Variants in SYT14 observed in about 807,000 individuals in gnomAD.
The protein encoded by SYT14 is synaptotagmin 14.
A neutral mutation model predicts 74.2 loss-of-function variants in SYT14; 32 were observed. The ratio of observed to expected loss-of-function variants is 0.43; its 90% confidence interval spans 0.33 to 0.58. The LOEUF is 0.58. Among genes scored for constraint, SYT14 ranks in the 20% least tolerant of loss-of-function variants. The pLI, the probability that SYT14 is intolerant of heterozygous loss-of-function variation, is 0.05. For synonymous variants in SYT14, 298 were observed against 337.7 expected, an observed-to-expected ratio of 0.88 and a Z score of 1.29; for missense variants, 791 against 981.8, an observed-to-expected ratio of 0.81 and a Z score of 2.60.
At chr1:210,023,578 GT>G (rs201756562) in intron 5 of SYT14, among the ~76,000 whole-genome samples, 1,567 of 152,260 alleles carry the variant, frequency 0.01, 35 homozygotes, top group African/African-American at 0.036. Flanking sequence ...TTCTGACCTT[GT>G]GATCTGCCCG....
chr1:210,108,928 G>A lies in SYT14; in HGVS notation c.2034+8467G>A, dbSNP rs115644806. Among the ~76,000 whole-genome samples the A allele has an allele frequency of 3.8e-3, 574 of 152,128 alleles. 5 individuals are homozygous for A. The highest frequency in any genetic ancestry group is 0.013 in the African/African-American group (542 of 41,482). On this transcript the variant is annotated intron_variant, in intron 7 of 9. Coordinates refer to ENST00000637265, the Ensembl canonical transcript of SYT14. ...CAGTTCATATGATGTGGAAGGAGAAGGGTCCAGAGTGTGATGGTGGAAGTG... is the reference window on the plus strand; with the variant it reads ...CAGTTCATATGATGTGGAAGGAGAAAGGTCCAGAGTGTGATGGTGGAAGTG...
intron 5 of SYT14, among the ~76,000 whole-genome samples, chr1:210,023,589 G>T (rs1430367279): frequency 6.6e-6 from 1 of 152,082 alleles, no homozygotes; most frequent in Non-Finnish European, 1.5e-5. Context: ...TGATCTGCCC[G>T]CCTCGGCCTC....
chr1:209,938,265 A>C, exon 1 of SYT14: 1 of 1,561,336 alleles, frequency 6.4e-7, no homozygotes. Flanking sequence ...CGAGCGCATC[A>C]TGGCGATTGA....
chr1:210,157,080 T>C (rs2102716781), intron 8 of SYT14, among the ~76,000 whole-genome samples: 1 of 152,252 alleles, frequency 6.6e-6, no homozygotes, highest in East Asian at 1.9e-4. Flanking sequence ...AATGCCACTT[T>C]AAATTTTCTT....
intron 8 of SYT14, among the ~76,000 whole-genome samples, chr1:210,158,654 T>A (rs2102721784): frequency 6.6e-6 from 1 of 152,304 alleles, no homozygotes; most frequent in Admixed American, 6.5e-5. Flanking sequence ...AGTCGATGTT[T>A]CAGGTTACAG....
chr1:210,008,508 T>G (rs897261998), intron 2 of SYT14, among the ~76,000 whole-genome samples: 2 of 151,954 alleles, frequency 1.3e-5, no homozygotes, highest in African/African-American at 4.8e-5. Context: ...GGATTAGAGG[T>G]GCCCGCCACC....
intron 7 of SYT14, among the ~76,000 whole-genome samples, chr1:210,137,188 CG>C (rs2082805075): frequency 6.6e-6 from 1 of 152,146 alleles, no homozygotes; most frequent in Non-Finnish European, 1.5e-5. Context: ...CAAACAATAT[CG>C]GGAACTCTGA....
chr1:209,987,842 C>T (rs2079597588), intron 2 of SYT14, among the ~76,000 whole-genome samples: 2 of 152,134 alleles, frequency 1.3e-5, no homozygotes, highest in Admixed American at 1.3e-4. Flanking sequence ...GTCAGCCTTA[C>T]CTCTTTTCTT....
At chr1:210,054,927 G>T (rs1572221839) in intron 5 of SYT14, among the ~76,000 whole-genome samples, 1 of 152,096 alleles carries the variant, frequency 6.6e-6, no homozygotes, top group African/African-American at 2.4e-5. Context: ...TTCCTTAATT[G>T]GATTCTTGGG....
chr1:210,076,231 A>G (rs2081498120), intron 5 of SYT14, among the ~76,000 whole-genome samples: 1 of 152,148 alleles, frequency 6.6e-6, no homozygotes, highest in Non-Finnish European at 1.5e-5. Context: ...ACTAGGTGGA[A>G]CCCCAAAAAA....
In SYT14 at chr1:210,067,659, C is replaced by T. The variant is rs138299447; in HGVS notation, c.1313-26663C>T. 8.8e-3 allele frequency among the ~76,000 whole-genome samples: 1,344 copies of T among 152,000 alleles called. 15 individuals carry two copies. Among genetic ancestry groups the T allele is most frequent in the African/African-American group, 0.031 (1,266 of 41,498 alleles). On this transcript the variant is annotated intron_variant, in intron 5 of 9. Transcript: ENST00000637265. Reference sequence around the variant, plus strand: ...TAAACGTATTTTTAAAATTTACCCTCCCATTAACAGCCTTCTTACTGATCT... The same window carrying T: ...TAAACGTATTTTTAAAATTTACCCTTCCATTAACAGCCTTCTTACTGATCT...
At position 210,035,659 on chromosome 1, in the gene SYT14, C is replaced by CTA. The variant is rs1255354019; in HGVS notation, c.1312+14406_1312+14407dup. 3.3e-5 allele frequency among the ~76,000 whole-genome samples: 5 copies of CTA among 152,002 alleles called. No individual in the cohort carries two copies. In the East Asian group the frequency reaches 9.7e-4, roughly 29 times the overall value. On this transcript the variant is annotated intron_variant, in intron 5 of 9. Transcript: ENST00000637265. The stretch of plus-strand genomic sequence containing the variant: ...GCAGAGGAATGGAAATCCAATTTTC[C>CTA]TAACACCATTTATGGAATAGTGTGT...
At chr1:210,067,716 G>A (rs1052530084) in intron 5 of SYT14, among the ~76,000 whole-genome samples, 59 of 151,822 alleles carry the variant, frequency 3.9e-4, no homozygotes, top group African/African-American at 1.3e-3. Flanking sequence ...ACATTTGCTA[G>A]ATTTTTGCAT....
intron 2 of SYT14, among the ~76,000 whole-genome samples, chr1:210,003,888 TA>T (rs766047292): frequency 1.1e-4 from 17 of 152,146 alleles, no homozygotes; most frequent in Admixed American, 1.1e-3. Flanking sequence ...ACAAATGATT[TA>T]TTTTTTTAAC....
chr1:210,112,502 T>C (rs751559040), intron 7 of SYT14, among the ~76,000 whole-genome samples: 7 of 151,324 alleles, frequency 4.6e-5, no homozygotes, highest in Admixed American at 2.6e-4. Context: ...CCATTTGCCT[T>C]GTGTCGGAAG....
At position 210,100,470 on chromosome 1, in the gene SYT14, C is replaced by G. The variant is rs561777115; in HGVS notation, c.2034+9C>G. 1.9e-6 allele frequency: 3 copies of G among 1,610,874 alleles called. No individual in the cohort carries two copies. The South Asian group carries it at 3.3e-5, about 18-fold the overall frequency. ...CTTCTTACAATCATTCTGTGAGTAT[C>G]TCATCAAATGGCCTGAATACAGTTT... is the stretch of plus-strand genomic sequence containing the variant. On this transcript the variant is annotated intron_variant, in intron 7 of 9. Transcript: ENST00000637265.
At chr1:210,163,823 G>T in exon 10 of SYT14, 1 of 453,730 alleles carries the variant, frequency 2.2e-6, no homozygotes. Flanking sequence ...GCTTGAATTT[G>T]CATGAAAGCT....
intron 1 of SYT14, among the ~76,000 whole-genome samples, chr1:209,947,619 A>G (rs1258981308): frequency 6.6e-6 from 1 of 152,226 alleles, no homozygotes; most frequent in Non-Finnish European, 1.5e-5. Context: ...TTGAGGTGAA[A>G]TATACTACTG....
At chr1:209,962,992 T>G (rs923441271) in intron 2 of SYT14, among the ~76,000 whole-genome samples, 2 of 152,186 alleles carry the variant, frequency 1.3e-5, no homozygotes, top group Non-Finnish European at 2.9e-5. Context: ...ACTTCAGAAA[T>G]TTAAAGCCTG....
Sources: allele counts gnomAD v4.1 joint callset (sites outside exome capture counted in the v4.1 genomes callset), GRCh38; gene constraint gnomAD v4.1.1; transcripts MANE v1.5; gene names NCBI Gene and HGNC (gene_info 2026-07-23, HGNC 2026-07-21).